CNPY3: variants seen among roughly 807,000 people sequenced by gnomAD.
CNPY3 encodes protein canopy homolog 3.
In CNPY3, 20 loss-of-function variants were observed where a neutral mutation model predicts 32.0. That is an observed-to-expected ratio of 0.63 (90% CI 0.44 to 0.91). The LOEUF (loss-of-function observed/expected upper bound fraction) is 0.91, where lower values mean the gene tolerates loss of function less well. CNPY3 is among the 40% of genes least tolerant of loss of function. The pLI, the probability that CNPY3 is intolerant of heterozygous loss-of-function variation, is 0.00. For missense variants in CNPY3, 299 were observed against 340.8 expected (o/e 0.88, Z 0.97); for synonymous variants, 138 against 142.9 (o/e 0.97, Z 0.24).
At chr6:42,928,748 G>A (rs1767534747), upstream of CNPY3, among the ~76,000 whole-genome samples, 1 of 152,142 alleles carries the variant, frequency 6.6e-6, no homozygotes, top group African/African-American at 2.4e-5. Flanking sequence ...AAGGGGCTGG[G>A]ATTACATACA....
At chr6:42,936,356 T>G (rs1371685583) in intron 3 of CNPY3, among the ~76,000 whole-genome samples, 3 of 152,198 alleles carry the variant, frequency 2.0e-5, no homozygotes, top group African/African-American at 7.2e-5. Context: ...TGTGTTTGCT[T>G]TAATAAAAAG....
chr6:42,929,817 C>A, intron 1 of CNPY3, 96 bp downstream of exon 1: 1 of 1,373,802 alleles, frequency 7.3e-7, no homozygotes, highest in Admixed American at 2.5e-5. Flanking sequence ...AGGTTCCGAG[C>A]TCTGCAGGGT....
intron 1 of CNPY3, among the ~76,000 whole-genome samples, chr6:42,931,162 T>A (rs1189488860): frequency 2.0e-5 from 3 of 151,718 alleles, no homozygotes; most frequent in Non-Finnish European, 4.4e-5. Flanking sequence ...AGTGCTGGGC[T>A]TATAGGCGTG....
In CNPY3 at chr6:42,935,679, C is replaced by T. The variant is rs116075503; in HGVS notation, c.372+9C>T. 2,549 of 1,605,946 alleles carry T rather than the reference C, an allele frequency of 1.6e-3. 40 individuals are homozygous for T. In the African/African-American group the frequency reaches 0.027, roughly 17 times the overall value. ...GCAATCGATTTGCCAAGGTTGGATT[C>T]GGGATTGTCCTTCATCCGCTCTGGG... On this transcript the variant is annotated intron_variant, in intron 3 of 5. Transcript: ENST00000372836.
At chr6:42,935,888 T>C (rs1183251852) in intron 3 of CNPY3, among the ~76,000 whole-genome samples, 1 of 152,134 alleles carries the variant, frequency 6.6e-6, no homozygotes, top group Non-Finnish European at 1.5e-5. Context: ...GGGTCCTGCT[T>C]CAATCTCAGA....
chr6:42,930,836 A>T (rs1271850966), intron 1 of CNPY3, among the ~76,000 whole-genome samples: 1 of 151,950 alleles, frequency 6.6e-6, no homozygotes, highest in Non-Finnish European at 1.5e-5. Flanking sequence ...CTTCACTGGT[A>T]GGGCACCCAG....
intron 1 of CNPY3, among the ~76,000 whole-genome samples, chr6:42,931,825 G>A (rs568579725): frequency 1.3e-5 from 2 of 152,176 alleles, no homozygotes; most frequent in East Asian, 3.9e-4. Context: ...CAGGGTTCAA[G>A]TGATTCTCCT....
intron 1 of CNPY3, among the ~76,000 whole-genome samples, 181 bp from the exon 2 acceptor site, chr6:42,934,294 A>G (rs1415165791): frequency 6.6e-6 from 1 of 152,212 alleles, no homozygotes; most frequent in Non-Finnish European, 1.5e-5. Flanking sequence ...TCAACATGGC[A>G]CATTAGCATC....
chr6:42,934,311 G>A (rs1768054941), intron 1 of CNPY3, among the ~76,000 whole-genome samples, 164 bp from the exon 2 acceptor site: 1 of 152,168 alleles, frequency 6.6e-6, no homozygotes, highest in African/African-American at 2.4e-5. Flanking sequence ...CATCCAAGAT[G>A]GAGTTGCTTT....
At chr6:42,930,561 A>C (rs553378773) in intron 1 of CNPY3, among the ~76,000 whole-genome samples, 12 of 152,116 alleles carry the variant, frequency 7.9e-5, no homozygotes, top group Non-Finnish European at 1.6e-4. Flanking sequence ...AGAGGGAGCT[A>C]CCAGCGAGCC....
At chr6:42,934,801 C>G (rs1768097621) in intron 2 of CNPY3, among the ~76,000 whole-genome samples, 1 of 152,222 alleles carries the variant, frequency 6.6e-6, no homozygotes, top group African/African-American at 2.4e-5. Flanking sequence ...GCAGATTTCT[C>G]ATCTCTAAAA....
chr6:42,928,602 G>A (rs1767529375), upstream of CNPY3, among the ~76,000 whole-genome samples: 1 of 152,200 alleles, frequency 6.6e-6, no homozygotes, highest in Non-Finnish European at 1.5e-5. Flanking sequence ...CACAGCAGAT[G>A]AGAGTTTTAC....
intron 1 of CNPY3, 100 bp downstream of exon 1, chr6:42,929,821 G>T: frequency 7.4e-7 from 1 of 1,346,038 alleles, no homozygotes; most frequent in Non-Finnish European, 9.9e-7. Context: ...TCCGAGCTCT[G>T]CAGGGTGTCT....
intron 3 of CNPY3, 115 bp downstream of exon 3, chr6:42,935,785 C>G: frequency 8.4e-7 from 1 of 1,192,772 alleles, no homozygotes; most frequent in Non-Finnish European, 1.2e-6. Flanking sequence ...CCTTCATTGC[C>G]TCTTCCCATT....
chr6:42,929,503 A>G lies in CNPY3; in HGVS notation c.-68A>G, dbSNP rs183056667. 2.7e-4 allele frequency: 401 copies of G among 1,471,592 alleles called. No homozygotes were observed. In the African/African-American group the frequency reaches 4.5e-3, roughly 17 times the overall value. The allele number at this position is 1,471,592 out of a possible 1,614,324, so 91.2% of individuals were successfully genotyped here. A position where few individuals can be genotyped will look rare whatever the true frequency, so the allele number is the denominator to read the frequency against. On this transcript the variant is annotated 5_prime_UTR_variant, in exon 1 of 6. Transcript: ENST00000372836. ...GTGCAGTCCCGGAAGCGGCGAGGGG[A>G]AACTGCTCCGCGCGCGCCGCGGGAG...
intron 3 of CNPY3, among the ~76,000 whole-genome samples, chr6:42,936,534 G>GTT (rs1165776846): frequency 5.1e-4 from 78 of 152,082 alleles, no homozygotes; most frequent in African/African-American, 1.8e-3. Context: ...CAAGGTTTTT[G>GTT]TGTGTTTGTT....
At chr6:42,928,957 A>T (rs1316573080), upstream of CNPY3, among the ~76,000 whole-genome samples, 1 of 152,182 alleles carries the variant, frequency 6.6e-6, no homozygotes, top group Non-Finnish European at 1.5e-5. Flanking sequence ...GCTACTAAAA[A>T]AGTGTGAAGG....
chr6:42,934,047 T>C (rs1005696301), intron 1 of CNPY3, among the ~76,000 whole-genome samples: 1 of 151,978 alleles, frequency 6.6e-6, no homozygotes, highest in African/African-American at 2.4e-5. Flanking sequence ...TGCATGCCTG[T>C]AATCCCAGCT....
intron 1 of CNPY3, among the ~76,000 whole-genome samples, chr6:42,932,803 T>A (rs1767928988): frequency 6.6e-6 from 1 of 152,180 alleles, no homozygotes; most frequent in Non-Finnish European, 1.5e-5. Flanking sequence ...AAGCCATTGA[T>A]TAATTTCACC....
Sources: gnomAD v4.1 joint callset for allele counts (sites outside exome capture counted in the v4.1 genomes callset) on GRCh38, gnomAD v4.1.1 for gene constraint, MANE v1.5 for transcripts, NCBI Gene and HGNC (gene_info 2026-07-23, HGNC 2026-07-21) for gene names.